TAPT1: variants seen among roughly 807,000 people sequenced by gnomAD.
TAPT1 encodes transmembrane anterior posterior transformation protein 1 homolog.
A neutral mutation model predicts 65.6 loss-of-function variants in TAPT1; 28 were observed. The ratio of observed to expected loss-of-function variants is 0.43; its 90% confidence interval spans 0.32 to 0.59. The LOEUF (loss-of-function observed/expected upper bound fraction) is 0.59, where lower values mean the gene tolerates loss of function less well. Among genes scored for constraint, TAPT1 ranks in the 20% least tolerant of loss-of-function variants. The pLI is 0.09. For synonymous variants in TAPT1, 278 were observed against 245.2 expected, an observed-to-expected ratio of 1.13 and a Z score of -1.25; for missense variants, 563 against 679.9, an observed-to-expected ratio of 0.83 and a Z score of 1.91.
chr4:16,227,346 G>T (rs1751649258), upstream of TAPT1: 1 of 455,132 alleles, frequency 2.2e-6, no homozygotes. Context: ...CCCCTTTCCA[G>T]CTCTGGCGTG....
At chr4:16,169,295 T>A (rs985144360) in intron 12 of TAPT1, among the ~76,000 whole-genome samples, 1 of 152,220 alleles carries the variant, frequency 6.6e-6, no homozygotes, top group Non-Finnish European at 1.5e-5. Flanking sequence ...CAAGTGTAAC[T>A]AAACAAAGGT....
intron 2 of TAPT1, among the ~76,000 whole-genome samples, chr4:16,209,715 T>C (rs1296999665): frequency 6.6e-6 from 1 of 152,216 alleles, no homozygotes; most frequent in Non-Finnish European, 1.5e-5. Context: ...AATGAAGAAC[T>C]GCCACCGTGG....
chr4:16,206,867 G>T (rs1173200969), intron 2 of TAPT1, among the ~76,000 whole-genome samples: 1 of 152,178 alleles, frequency 6.6e-6, no homozygotes. Flanking sequence ...AGGCCTAAAG[G>T]CTTTGCTGGC....
chr4:16,216,945 A>T (rs572228621), intron 1 of TAPT1, among the ~76,000 whole-genome samples: 1 of 152,314 alleles, frequency 6.6e-6, no homozygotes, highest in South Asian at 2.1e-4. Context: ...ACAACTGGAC[A>T]CAGGCCATCT....
chr4:16,178,539 C>T (rs1057154026), intron 8 of TAPT1, among the ~76,000 whole-genome samples: 1 of 152,158 alleles, frequency 6.6e-6, no homozygotes, highest in Non-Finnish European at 1.5e-5. Flanking sequence ...ACTTGAGATA[C>T]CTGAGAAATT....
chr4:16,221,620 A>G (rs936738240), intron 1 of TAPT1, among the ~76,000 whole-genome samples: 4 of 152,256 alleles, frequency 2.6e-5, no homozygotes. Context: ...AATTAAAAGT[A>G]ATGAGTAATC....
At position 16,208,971 on chromosome 4, in the gene TAPT1, C is replaced by G. The variant is rs80265696; in HGVS notation, c.330+4797G>C. ...CTCTGCCTCTGGGGCTCAAGCAATC[C>G]TTCTGCCTCAGTCTCTCGAGTAGCT... On this transcript the variant is annotated intron_variant, in intron 2 of 13. Transcript: ENST00000405303. 7.1e-3 allele frequency among the ~76,000 whole-genome samples: 1,083 copies of G among 152,288 alleles called. 4 individuals are homozygous for G. The highest frequency in any genetic ancestry group is 0.013 in the Non-Finnish European group (868 of 68,010).
chr4:16,181,034 GTTTAA>G (rs1295291235), intron 7 of TAPT1, among the ~76,000 whole-genome samples: 1 of 152,220 alleles, frequency 6.6e-6, no homozygotes, highest in Admixed American at 6.5e-5. Flanking sequence ...TAGATCACAT[GTTTAA>G]TTTATTCTGT....
chr4:16,180,687 A>T (rs917942228), intron 7 of TAPT1, among the ~76,000 whole-genome samples: 2 of 152,162 alleles, frequency 1.3e-5, no homozygotes, highest in Non-Finnish European at 2.9e-5. Flanking sequence ...ACAAACTTTT[A>T]TTCCACAGCA....
At chr4:16,191,944 G>A (rs1054479992) in intron 3 of TAPT1, among the ~76,000 whole-genome samples, 2 of 152,088 alleles carry the variant, frequency 1.3e-5, no homozygotes, top group Admixed American at 6.5e-5. Context: ...TTTATTTAAC[G>A]GCATGATATT....
Position 16,212,081 on chromosome 4 carries a change from C to T in TAPT1, c.330+1687G>A, listed in dbSNP as rs114612737. ...ACAAAATCAGGAGTGGATGTTGCCA[C>T]TGCTCATTAGTTTTGCCACAGGAGG... is the stretch of plus-strand genomic sequence containing the variant. On this transcript the variant is annotated intron_variant, in intron 2 of 13. Coordinates refer to ENST00000405303, the MANE Select transcript of TAPT1 (RefSeq NM_153365.3). 4.7e-3 allele frequency among the ~76,000 whole-genome samples: 721 copies of T among 152,320 alleles called. 8 individuals carry two copies. The highest frequency in any genetic ancestry group is 0.017 in the African/African-American group (692 of 41,556).
At chr4:16,170,046 G>C (rs1413646743) in intron 12 of TAPT1, among the ~76,000 whole-genome samples, 1 of 152,154 alleles carries the variant, frequency 6.6e-6, no homozygotes, top group South Asian at 2.1e-4. Context: ...GCCAGGTCTG[G>C]GTACTTTATC....
chr4:16,218,614 A>C (rs1397693566), intron 1 of TAPT1, among the ~76,000 whole-genome samples: 2 of 152,232 alleles, frequency 1.3e-5, no homozygotes, highest in Non-Finnish European at 2.9e-5. Flanking sequence ...TTCACCGAAA[A>C]GAAAATGGAA....
chr4:16,172,292 A>G (rs1748045668), intron 11 of TAPT1, among the ~76,000 whole-genome samples: 2 of 152,194 alleles, frequency 1.3e-5, no homozygotes, highest in South Asian at 4.1e-4. Flanking sequence ...TACTAGACAA[A>G]TAAGTCAATT....
At chr4:16,219,716 C>A (rs369016737) in intron 1 of TAPT1, among the ~76,000 whole-genome samples, 1 of 152,200 alleles carries the variant, frequency 6.6e-6, no homozygotes, top group East Asian at 1.9e-4. Context: ...TTACTTCATA[C>A]AATTCTTGCA....
chr4:16,208,396 G>C lies in TAPT1; in HGVS notation c.330+5372C>G, dbSNP rs558007802. ...ATTCACTGTCCTAGCCTCCTTTGCA[G>C]CTGGGAATGGCTATGTAGCTCAGTT... On this transcript the variant is annotated intron_variant, in intron 2 of 13. Coordinates refer to ENST00000405303, the MANE Select transcript of TAPT1 (RefSeq NM_153365.3). Among the ~76,000 whole-genome samples the C allele has an allele frequency of 2.6e-5, 4 of 152,306 alleles. No individual in the cohort carries two copies. The South Asian group carries it at 6.2e-4, about 24-fold the overall frequency.
chr4:16,208,670 T>C (rs1443878103), intron 2 of TAPT1, among the ~76,000 whole-genome samples: 1 of 152,222 alleles, frequency 6.6e-6, no homozygotes, highest in East Asian at 1.9e-4. Context: ...GCTTCATTAA[T>C]CTGCTGCAAC....
upstream of TAPT1, chr4:16,227,385 C>A: frequency 2.2e-6 from 1 of 446,324 alleles, no homozygotes; most frequent in Non-Finnish European, 4.6e-6. Flanking sequence ...GGTGTCGAGA[C>A]CACCACCAGC....
At chr4:16,173,525 T>A (rs1002836321) in intron 11 of TAPT1, among the ~76,000 whole-genome samples, 3 of 152,092 alleles carry the variant, frequency 2.0e-5, no homozygotes, top group Admixed American at 2.0e-4. Context: ...TTCACGCCAT[T>A]CTCCTGCCTC....
Sources: allele counts gnomAD v4.1 joint callset (sites outside exome capture counted in the v4.1 genomes callset), GRCh38; gene constraint gnomAD v4.1.1; transcripts MANE v1.5; gene names NCBI Gene and HGNC (gene_info 2026-07-23, HGNC 2026-07-21).